The following RSPO3 variants were observed in gnomAD, a reference collection of about 807,000 sequenced individuals.
RSPO3 encodes R-spondin 3.
A neutral mutation model predicts 36.5 loss-of-function variants in RSPO3; 17 were observed. The observed-to-expected ratio is 0.47, with a 90% confidence interval of 0.32 to 0.70. The LOEUF (loss-of-function observed/expected upper bound fraction) is 0.70, where lower values mean the gene tolerates loss of function less well. Among genes scored for constraint, RSPO3 ranks in the 30% least tolerant of loss-of-function variants. The pLI, the probability that RSPO3 is intolerant of heterozygous loss-of-function variation, is 0.04. For synonymous variants in RSPO3, 108 were observed against 107.0 expected, an observed-to-expected ratio of 1.01 and a Z score of -0.06; for missense variants, 294 against 322.5, an observed-to-expected ratio of 0.91 and a Z score of 0.68.
At position 127,150,406 on chromosome 6, in the gene RSPO3, C is replaced by G; in HGVS notation, c.290-20C>G. 6.2e-7 allele frequency: 1 copy of G among 1,603,994 alleles called. No individual in the cohort carries two copies. Among genetic ancestry groups the G allele is most frequent in the Non-Finnish European group, 8.5e-7 (1 of 1,175,912 alleles). ...AAGAGAACATAATGCAAGCATATTT[C>G]TTTCTTTTTTCTCTTTCAGAATGCA... On this transcript the variant is annotated intron_variant, in intron 2 of 4. Coordinates refer to ENST00000356698, the MANE Select transcript of RSPO3 (RefSeq NM_032784.5).
At chr6:127,122,625 T>C (rs1773867187) in intron 1 of RSPO3, among the ~76,000 whole-genome samples, 1 of 152,256 alleles carries the variant, frequency 6.6e-6, no homozygotes. Context: ...TACACCTTTA[T>C]TCTATATTCT....
chr6:127,199,014 A>G lies in RSPO3; in HGVS notation c.*3007A>G, dbSNP rs1209688098. Among the ~76,000 whole-genome samples the G allele has an allele frequency of 6.6e-6, 1 of 152,258 alleles. No individual in the cohort carries two copies. The highest frequency in any genetic ancestry group is 1.5e-5 in the Non-Finnish European group (1 of 68,040). On this transcript the variant is annotated 3_prime_UTR_variant, in exon 5 of 5. Coordinates refer to ENST00000356698, the MANE Select transcript of RSPO3 (RefSeq NM_032784.5). ...AAATATTGAAATAACACTGGGAAGA[A>G]AAAGCATATATAAATACAGCTAAAA... is the stretch of plus-strand genomic sequence containing the variant.
chr6:127,121,733 A>G (rs898576325), intron 1 of RSPO3, among the ~76,000 whole-genome samples: 5 of 152,196 alleles, frequency 3.3e-5, no homozygotes, highest in Non-Finnish European at 7.3e-5. Context: ...TTGTTTTGAA[A>G]TCTCTGGGGG....
At chr6:127,125,747 G>A (rs538126350) in intron 1 of RSPO3, among the ~76,000 whole-genome samples, 1 of 151,948 alleles carries the variant, frequency 6.6e-6, no homozygotes, top group Admixed American at 6.6e-5. Context: ...ATTTTTTATT[G>A]TCTGAAAACC....
chr6:127,179,123 A>G (rs530548793), intron 4 of RSPO3, among the ~76,000 whole-genome samples: 1 of 151,896 alleles, frequency 6.6e-6, no homozygotes, highest in Non-Finnish European at 1.5e-5. Context: ...ATTGACAGAA[A>G]AATATACCAA....
chr6:127,182,491 G>T (rs1775209352), intron 4 of RSPO3, among the ~76,000 whole-genome samples: 1 of 151,940 alleles, frequency 6.6e-6, no homozygotes, highest in Non-Finnish European at 1.5e-5. Context: ...AATTAAATGA[G>T]AAATATTTAT....
chr6:127,172,237 AAACACACT>A (rs1353895790), intron 4 of RSPO3, among the ~76,000 whole-genome samples: 2 of 113,458 alleles, frequency 1.8e-5, no homozygotes, highest in Non-Finnish European at 4.1e-5. Flanking sequence ...ATATATACAC[AAACACACT>A]CACACATACA....
At chr6:127,190,206 C>G (rs566537094) in intron 4 of RSPO3, among the ~76,000 whole-genome samples, 1 of 152,160 alleles carries the variant, frequency 6.6e-6, no homozygotes, top group African/African-American at 2.4e-5. Context: ...AGCAAATCAC[C>G]TGATATCAGG....
chr6:127,124,718 T>C (rs1162811716), intron 1 of RSPO3, among the ~76,000 whole-genome samples: 1 of 152,104 alleles, frequency 6.6e-6, no homozygotes, highest in Non-Finnish European at 1.5e-5. Context: ...ACTAAACACA[T>C]GAAGTACAGC....
intron 4 of RSPO3, among the ~76,000 whole-genome samples, chr6:127,175,020 A>C (rs567608986): frequency 6.6e-5 from 10 of 151,712 alleles, no homozygotes; most frequent in Non-Finnish European, 1.3e-4. Flanking sequence ...GATGCATGAA[A>C]ATTTATTTGA....
intron 1 of RSPO3, among the ~76,000 whole-genome samples, chr6:127,146,205 A>G (rs973830655): frequency 5.9e-5 from 9 of 152,262 alleles, no homozygotes; most frequent in African/African-American, 2.2e-4. Flanking sequence ...ACTGATTAAA[A>G]CATAAAATTT....
At chr6:127,122,034 T>A (rs1261260667) in intron 1 of RSPO3, among the ~76,000 whole-genome samples, 2 of 152,206 alleles carry the variant, frequency 1.3e-5, no homozygotes, top group East Asian at 3.8e-4. Context: ...AGTAGGAAAC[T>A]TTTTTGTAAA....
At chr6:127,160,789 G>T (rs904129085) in intron 4 of RSPO3, among the ~76,000 whole-genome samples, 8 of 152,050 alleles carry the variant, frequency 5.3e-5, no homozygotes, top group African/African-American at 1.9e-4. Flanking sequence ...CCTCAATTTG[G>T]TCTGGTGTCT....
rs530331630 is a variant in RSPO3 at position 127,151,596 on chromosome 6, C to T, written c.436+1024C>T. The stretch of plus-strand genomic sequence containing the variant: ...AGAATCTAAAGGGCTGGAGTAATAA[C>T]TCTAAAGTGATGGTTTAACCATTTC... On this transcript the variant is annotated intron_variant, in intron 3 of 4. Coordinates refer to ENST00000356698, the MANE Select transcript of RSPO3 (RefSeq NM_032784.5). Among the ~76,000 whole-genome samples, 9 of 152,098 alleles carry T rather than the reference C, an allele frequency of 5.9e-5. 1 individual carries two copies. Among genetic ancestry groups the T allele is most frequent in the African/African-American group, 2.2e-4 (9 of 41,516 alleles).
At chr6:127,137,100 A>G (rs1465490010) in intron 1 of RSPO3, among the ~76,000 whole-genome samples, 1 of 152,204 alleles carries the variant, frequency 6.6e-6, no homozygotes. Flanking sequence ...TTATTAATAA[A>G]TGTCATTATG....
At chr6:127,176,146 G>C (rs562220357) in intron 4 of RSPO3, among the ~76,000 whole-genome samples, 1 of 151,766 alleles carries the variant, frequency 6.6e-6, no homozygotes, top group Admixed American at 6.6e-5. Flanking sequence ...ATTGTCTTCA[G>C]CATTTCATAT....
intron 4 of RSPO3, among the ~76,000 whole-genome samples, chr6:127,194,991 T>C (rs1324835883): frequency 6.6e-6 from 1 of 152,222 alleles, no homozygotes; most frequent in Non-Finnish European, 1.5e-5. Flanking sequence ...TACAAATATT[T>C]ATGTTAAAAT....
At chr6:127,173,308 G>C (rs1304219690) in intron 4 of RSPO3, among the ~76,000 whole-genome samples, 1 of 151,752 alleles carries the variant, frequency 6.6e-6, no homozygotes, top group African/African-American at 2.4e-5. Context: ...TGCCAACATT[G>C]TATTCAAATG....
chr6:127,184,379 G>A (rs571842606), intron 4 of RSPO3, among the ~76,000 whole-genome samples: 1 of 151,892 alleles, frequency 6.6e-6, no homozygotes, highest in African/African-American at 2.4e-5. Flanking sequence ...TTGCAAAAAG[G>A]CCTAGAAATA....
Sources: gnomAD v4.1 joint callset for allele counts (sites outside exome capture counted in the v4.1 genomes callset) on GRCh38, gnomAD v4.1.1 for gene constraint, MANE v1.5 for transcripts, NCBI Gene and HGNC (gene_info 2026-07-23, HGNC 2026-07-21) for gene names.